TRMT9B: variants seen among roughly 807,000 people sequenced by gnomAD.
TRMT9B encodes the protein tRNA methyltransferase 9B (putative).
TRMT9B carries 16 observed loss-of-function variants against 11.5 expected under a neutral mutation model. That is an observed-to-expected ratio of 1.39 (90% confidence interval 0.94 to 2.11). The LOEUF (loss-of-function observed/expected upper bound fraction) is 2.11, where lower values mean the gene tolerates loss of function less well. Among genes scored for constraint, TRMT9B ranks in the 30% most tolerant of loss-of-function variants. The pLI, the probability that TRMT9B is intolerant of heterozygous loss-of-function variation, is 0.00. For synonymous variants in TRMT9B, 274 were observed against 192.4 expected, an observed-to-expected ratio of 1.42 and a Z score of -3.51; for missense variants, 941 against 553.8, an observed-to-expected ratio of 1.70 and a Z score of -7.02.
chr8:13,017,788 T>G (rs1166490254), intron 4 of TRMT9B, among the ~76,000 whole-genome samples: 1 of 151,602 alleles, frequency 6.6e-6, no homozygotes, highest in East Asian at 2.0e-4. Context: ...TAATTTTTTT[T>G]ATTTTTTATT....
chr8:12,949,796 A>G (rs2946511), intron 1 of TRMT9B, among the ~76,000 whole-genome samples: 54,484 of 152,030 alleles, frequency 0.36, 10,325 homozygotes, highest in East Asian at 0.67. Flanking sequence ...CTCTGCCTCT[A>G]TTATGTCTTG....
At chr8:12,967,521 G>C (rs1437476599) in intron 1 of TRMT9B, among the ~76,000 whole-genome samples, 1 of 152,198 alleles carries the variant, frequency 6.6e-6, no homozygotes, top group Non-Finnish European at 1.5e-5. Context: ...ACATTCTCCA[G>C]TTACCATTTG....
rs1272269266 is a variant in TRMT9B at position 13,029,661 on chromosome 8, T to C, written c.*7617T>C. The C allele has an allele frequency of 6.3e-6, 1 of 157,668 alleles. No homozygotes were observed. Among genetic ancestry groups the C allele is most frequent in the Non-Finnish European group, 1.5e-5 (1 of 68,080 alleles). 9.8% of individuals were successfully genotyped at this position (157,668 alleles called of 1,614,324 possible). ...GTATTTGAATTCTGTTATATTTATC[T>C]AAGGGAAGCAAAATTAACCTTTTAA... On this transcript the variant is annotated 3_prime_UTR_variant, in exon 5 of 5. Transcript: ENST00000524591.
intron 1 of TRMT9B, among the ~76,000 whole-genome samples, chr8:12,950,522 A>C (rs1800512065): frequency 2.2e-5 from 3 of 134,430 alleles, no homozygotes; most frequent in Non-Finnish European, 5.1e-5. Flanking sequence ...AATACGTAAA[A>C]CCAGACTCGT....
intron 1 of TRMT9B, among the ~76,000 whole-genome samples, chr8:12,968,583 T>G (rs561298632): frequency 6.6e-6 from 1 of 152,230 alleles, no homozygotes; most frequent in Non-Finnish European, 1.5e-5. Flanking sequence ...GAGAGTGACA[T>G]TTGGAGGCAT....
In TRMT9B at chr8:13,024,875, G is replaced by T. The variant is rs891454307; in HGVS notation, c.*2831G>T. 5 of 166,856 alleles carry T rather than the reference G, an allele frequency of 3.0e-5. No individual in the cohort carries two copies. The highest frequency in any genetic ancestry group is 1.2e-4 in the African/African-American group (5 of 41,414). The allele number at this position is 166,856 out of a possible 1,614,324, so 10.3% of individuals were successfully genotyped here. ...TCTCTTTGGGGTAGTCACATGGAAA[G>T]CTCTTTTAAATTTAACTTCCGCCTT... On this transcript the variant is annotated 3_prime_UTR_variant, in exon 5 of 5. Coordinates refer to ENST00000524591, the MANE Select transcript of TRMT9B (RefSeq NM_020844.3).
chr8:12,976,985 G>C (rs754849584), intron 1 of TRMT9B, among the ~76,000 whole-genome samples: 3 of 152,208 alleles, frequency 2.0e-5, no homozygotes, highest in Non-Finnish European at 2.9e-5. Context: ...TCATGCCCCA[G>C]ATGGAGGCCT....
At chr8:12,952,570 G>C (rs1473460961) in intron 1 of TRMT9B, 4 of 346,836 alleles carry the variant, frequency 1.2e-5, no homozygotes, top group Admixed American at 1.3e-4. Flanking sequence ...TTTTTTCATG[G>C]AGTGCACGTG....
At position 13,017,331 on chromosome 8, in the gene TRMT9B, G is replaced by T. The variant is rs548926064; in HGVS notation, c.329-3677G>T. Among the ~76,000 whole-genome samples, 9 of 152,216 alleles carry T rather than the reference G, an allele frequency of 5.9e-5. No homozygotes were observed. The South Asian group carries it at 6.2e-4, about 11-fold the overall frequency. On this transcript the variant is annotated intron_variant, in intron 4 of 4. Coordinates refer to ENST00000524591, the MANE Select transcript of TRMT9B (RefSeq NM_020844.3). ...ATGTGTAACTTCTCATCTGAATCTG[G>T]AATCCAGTAATTGAATTCAACCTAC...
intron 3 of TRMT9B, chr8:13,011,219 C>G (rs934713295): frequency 1.3e-6 from 1 of 758,506 alleles, no homozygotes; most frequent in Non-Finnish European, 1.6e-6. Context: ...CTCCTGCCCT[C>G]AAGTGATCCG....
intron 4 of TRMT9B, among the ~76,000 whole-genome samples, chr8:13,020,721 G>T (rs2128902617): frequency 6.6e-6 from 1 of 152,276 alleles, no homozygotes; most frequent in East Asian, 1.9e-4. Context: ...TGGATTTATG[G>T]ACTCTAGACT....
intron 1 of TRMT9B, among the ~76,000 whole-genome samples, chr8:12,988,512 G>T (rs980810809): frequency 1.3e-5 from 2 of 152,124 alleles, no homozygotes; most frequent in Non-Finnish European, 2.9e-5. Context: ...CAGCATGGCT[G>T]GGGAGGCCTC....
At chr8:12,987,818 G>T (rs1806595173) in intron 1 of TRMT9B, among the ~76,000 whole-genome samples, 1 of 152,096 alleles carries the variant, frequency 6.6e-6, no homozygotes, top group Admixed American at 6.6e-5. Flanking sequence ...TGGCAAAAAG[G>T]AACACTGTCA....
intron 1 of TRMT9B, among the ~76,000 whole-genome samples, chr8:12,969,722 A>G (rs1803321770): frequency 6.6e-6 from 1 of 151,220 alleles, no homozygotes; most frequent in Admixed American, 6.6e-5. Flanking sequence ...TGGAGTGTAG[A>G]GTGCACTGGT....
At chr8:12,946,092 T>A (rs1303446704) in intron 1 of TRMT9B, 126 bp downstream of exon 1, 1 of 152,212 alleles carries the variant, frequency 6.6e-6, no homozygotes, top group Non-Finnish European at 1.5e-5. Flanking sequence ...TGCTCCCCAT[T>A]GCTTTTCTCA....
intron 4 of TRMT9B, among the ~76,000 whole-genome samples, chr8:13,018,517 T>A (rs1403445880): frequency 6.6e-6 from 1 of 152,030 alleles, no homozygotes; most frequent in Non-Finnish European, 1.5e-5. Flanking sequence ...GTTTTAAAGG[T>A]TTTTTTGTCT....
intron 3 of TRMT9B, chr8:13,010,233 A>G (rs910016644): frequency 2.9e-5 from 25 of 874,042 alleles, no homozygotes; most frequent in Admixed American, 1.9e-4. Flanking sequence ...GCCAATTTGT[A>G]TCTTTTGAAT....
rs566565454 is a variant in TRMT9B at position 12,966,565 on chromosome 8, A to G, written c.-200+20599A>G. On this transcript the variant is annotated intron_variant, in intron 1 of 4. Transcript: ENST00000524591. ...CATGTGTTGGAAAGATTTCCATGATAATACAGCTATTTCTATTGTTTAGCC... is the reference window on the plus strand; with the variant it reads ...CATGTGTTGGAAAGATTTCCATGATGATACAGCTATTTCTATTGTTTAGCC... Among the ~76,000 whole-genome samples, 234 of 152,232 alleles carry G rather than the reference A, an allele frequency of 1.5e-3. 1 individual carries two copies. The highest frequency in any genetic ancestry group is 2.9e-3 in the Non-Finnish European group (195 of 68,040).
At chr8:12,974,244 C>T (rs1804074567) in intron 1 of TRMT9B, among the ~76,000 whole-genome samples, 1 of 152,036 alleles carries the variant, frequency 6.6e-6, no homozygotes, top group South Asian at 2.1e-4. Flanking sequence ...CCACCGTGAC[C>T]CTGTCCCATT....
Sources: allele counts gnomAD v4.1 joint callset (sites outside exome capture counted in the v4.1 genomes callset), GRCh38; gene constraint gnomAD v4.1.1; transcripts MANE v1.5; gene names NCBI Gene and HGNC (gene_info 2026-07-23, HGNC 2026-07-21).